The following SOCS7 variants were observed in gnomAD, a reference collection of about 807,000 sequenced individuals.
The protein encoded by SOCS7 is NAP-4.
In SOCS7, 18 loss-of-function variants were observed where a neutral mutation model predicts 58.9. That is an observed-to-expected ratio of 0.31 (90% confidence interval 0.21 to 0.45). SOCS7 has a LOEUF of 0.45. SOCS7 is among the 20% of genes least tolerant of loss of function. SOCS7 has a pLI of 1.00. For missense variants in SOCS7, 667 were observed against 837.3 expected, an observed-to-expected ratio of 0.80 and a Z score of 2.51; for synonymous variants, 388 against 364.3, an observed-to-expected ratio of 1.06 and a Z score of -0.74.
At chr17:38,379,195 A>G (rs41346045) in intron 7 of SOCS7, among the ~76,000 whole-genome samples, 8,722 of 149,262 alleles carry the variant, frequency 0.058, 401 homozygotes, top group East Asian at 0.24. Context: ...AAAAAAAAAC[A>G]AGGCAGGGGT....
At chr17:38,362,046 T>C (rs2037727447) in intron 2 of SOCS7, among the ~76,000 whole-genome samples, 1 of 152,194 alleles carries the variant, frequency 6.6e-6, no homozygotes, top group East Asian at 1.9e-4. Flanking sequence ...TAGTTCAGGG[T>C]CATCACATAT....
chr17:38,366,112 A>G (rs587638606), intron 4 of SOCS7, 175 bp from the exon 5 acceptor site: 2 of 1,254,532 alleles, frequency 1.6e-6, no homozygotes, highest in South Asian at 3.3e-5. Context: ...AAGCCCACAC[A>G]GCTTTTTGTT....
chr17:38,403,617 T>G lies in SOCS7; in HGVS notation c.*4135T>G, dbSNP rs890564684. ...GTGTGTGCATATGCATGCATGTGTG[T>G]GTGTGTGTGTGTCCTCATTTGCAGA... On this transcript the variant is annotated 3_prime_UTR_variant, in exon 10 of 10. Coordinates refer to ENST00000612932, the MANE Select transcript of SOCS7 (RefSeq NM_014598.4). 1 of 151,938 alleles carries G rather than the reference T, an allele frequency of 6.6e-6. No homozygotes were observed. The highest frequency in any genetic ancestry group is 2.4e-5 in the African/African-American group (1 of 41,398). 9.4% of individuals were successfully genotyped at this position (151,938 alleles called of 1,614,324 possible).
intron 6 of SOCS7, among the ~76,000 whole-genome samples, chr17:38,369,179 C>T (rs960004280): frequency 2.0e-5 from 3 of 152,166 alleles, no homozygotes; most frequent in African/African-American, 7.2e-5. Flanking sequence ...ACTTGCTTCC[C>T]ATCCCTCACA....
intron 6 of SOCS7, among the ~76,000 whole-genome samples, chr17:38,369,483 TCTG>T (rs1398259991): frequency 2.6e-5 from 4 of 152,180 alleles, no homozygotes; most frequent in African/African-American, 9.7e-5. Flanking sequence ...TGCCTCCTGT[TCTG>T]CTGTTTGTGA....
chr17:38,354,326 G>A (rs964614305), intron 1 of SOCS7, among the ~76,000 whole-genome samples: 4 of 152,132 alleles, frequency 2.6e-5, no homozygotes, highest in Non-Finnish European at 5.9e-5. Context: ...AAGATCACTT[G>A]GGGAGCTTTT....
chr17:38,353,127 A>C (rs2037583343), intron 1 of SOCS7, 95 bp downstream of exon 1: 3 of 1,188,006 alleles, frequency 2.5e-6, no homozygotes, highest in Non-Finnish European at 3.4e-6. Context: ...TTCTTAAGAT[A>C]GGGTCTTCAG....
chr17:38,352,724 T>G lies in SOCS7; in HGVS notation c.672T>G (p.Pro224=). ...LLLQPPGPEL[P]PVPFPLQDLV... ...TGCAGCCCCCAGGCCCTGAATTACC[T>G]CCGGTGCCCTTCCCGCTGCAGGACT... The change falls in exon 1 of 10, where the codon CCT becomes CCG. Residue 224 remains proline (P), a synonymous_variant. Coordinates refer to ENST00000612932, the MANE Select transcript of SOCS7 (RefSeq NM_014598.4). The surrounding 1 kb of genome is among the most constrained non-coding windows in gnomAD (Gnocchi z 5.5). 1 of 1,549,820 alleles carries G rather than the reference T, an allele frequency of 6.5e-7. No homozygotes were observed. The highest frequency in any genetic ancestry group is 8.7e-7 in the Non-Finnish European group (1 of 1,146,880).
chr17:38,384,516 A>G (rs2038042487), intron 7 of SOCS7, among the ~76,000 whole-genome samples: 1 of 151,118 alleles, frequency 6.6e-6, no homozygotes, highest in Non-Finnish European at 1.5e-5. Context: ...CTGGTCATGA[A>G]CTCCTGGGCT....
intron 7 of SOCS7, among the ~76,000 whole-genome samples, chr17:38,380,180 C>T (rs976370754): frequency 6.6e-6 from 1 of 152,124 alleles, no homozygotes. Context: ...ATATTTTAAC[C>T]AAGATTCTTA....
At chr17:38,370,026 C>T (rs961980804) in intron 6 of SOCS7, among the ~76,000 whole-genome samples, 11 of 152,032 alleles carry the variant, frequency 7.2e-5, no homozygotes, top group African/African-American at 2.7e-4. Context: ...CTCCTGACCT[C>T]GTGATTCGCC....
At chr17:38,377,925 G>T in intron 7 of SOCS7, 83 bp downstream of exon 7, 1 of 1,395,930 alleles carries the variant, frequency 7.2e-7, no homozygotes, top group South Asian at 1.3e-5. Context: ...CCCACAAAAG[G>T]CCATGGTTAA....
At chr17:38,383,431 A>G (rs1327088555) in intron 7 of SOCS7, among the ~76,000 whole-genome samples, 1 of 152,102 alleles carries the variant, frequency 6.6e-6, no homozygotes, top group Non-Finnish European at 1.5e-5. Flanking sequence ...CCAAGATAAT[A>G]TGTGTTGAAT....
At chr17:38,366,565 G>C in intron 5 of SOCS7, 148 bp downstream of exon 5, 1 of 960,164 alleles carries the variant, frequency 1.0e-6, no homozygotes, top group Non-Finnish European at 1.5e-6. Flanking sequence ...CATAATCATA[G>C]CTCACTGTAG....
At chr17:38,390,640 T>TTCCTTCCTTCC (rs2038158611) in intron 7 of SOCS7, among the ~76,000 whole-genome samples, 1 of 114,400 alleles carries the variant, frequency 8.7e-6, no homozygotes, top group Non-Finnish European at 1.7e-5. Flanking sequence ...TTTTGTTCGT[T>TTCCTTCCTTCC]TTCCTTCCTT....
At chr17:38,361,087 G>T (rs1384848229) in intron 1 of SOCS7, among the ~76,000 whole-genome samples, 2 of 152,250 alleles carry the variant, frequency 1.3e-5, no homozygotes, top group Admixed American at 1.3e-4. Flanking sequence ...TGTGTGAGTG[G>T]CAGCTCAGAG....
chr17:38,398,960 C>G, intron 9 of SOCS7, among the ~76,000 whole-genome samples: 1 of 151,974 alleles, frequency 6.6e-6, no homozygotes, highest in East Asian at 1.9e-4. Context: ...CATGGTGGCG[C>G]ATGCCTGTAA....
At chr17:38,389,003 G>A (rs962349979) in intron 7 of SOCS7, among the ~76,000 whole-genome samples, 4 of 152,146 alleles carry the variant, frequency 2.6e-5, no homozygotes, top group Admixed American at 1.3e-4. Flanking sequence ...ATTCCTAGGC[G>A]TGAAATTGCT....
Position 38,352,286 on chromosome 17 carries a change from C to T in SOCS7, c.234C>T (p.Asp78=), listed in dbSNP as rs2037563582. 9 of 1,487,282 alleles carry T rather than the reference C, an allele frequency of 6.1e-6. No homozygotes were observed. The highest frequency in any genetic ancestry group is 6.2e-6 in the Non-Finnish European group (7 of 1,129,098). 92.1% of individuals were successfully genotyped at this position (1,487,282 alleles called of 1,614,324 possible). A position where few individuals can be genotyped will look rare whatever the true frequency, so the allele number is the denominator to read the frequency against. Residue 78 remains aspartate, a synonymous_variant, in exon 1 of 10, where the codon GAC becomes GAT. Transcript: ENST00000612932. The surrounding 1 kb of genome is among the most constrained non-coding windows in gnomAD (Gnocchi z 5.5). The part of the protein sequence containing the change: ...RNVGRPPEEE[D]VEAAPEPGPS... ...TGGGTCGGCCGCCGGAGGAGGAGGA[C>T]GTGGAGGCGGCCCCGGAGCCGGGAC...
Sources: gnomAD v4.1 joint callset for allele counts (sites outside exome capture counted in the v4.1 genomes callset) on GRCh38, gnomAD v4.1.1 for gene constraint, Gnocchi (gnomAD v3.1) non-coding constraint, MANE v1.5 for transcripts, NCBI Gene and HGNC (gene_info 2026-07-23, HGNC 2026-07-21) for gene names.